EGR4: variants seen among roughly 807,000 people sequenced by gnomAD.
EGR4 encodes early growth response protein 4.
In EGR4, 22 loss-of-function variants were observed where a neutral mutation model predicts 25.4. That is an observed-to-expected ratio of 0.87 (90% confidence interval 0.62 to 1.24). EGR4 has a LOEUF of 1.24. Among genes scored for constraint, EGR4 ranks in the 50% most tolerant of loss-of-function variants. The probability of loss-of-function intolerance (pLI) is 0.00; values close to 1 mark genes in which losing one functional copy is unlikely to be tolerated. For synonymous variants in EGR4, 375 were observed against 320.1 expected (o/e 1.17, Z -1.83); for missense variants, 742 against 702.9 (o/e 1.06, Z -0.63).
In EGR4 at chr2:73,291,157, G is replaced by T; in HGVS notation, c.*300C>A. On this transcript the variant is annotated 3_prime_UTR_variant, in exon 2 of 2. Transcript: ENST00000436467. ...GGGGTTATAGAGGAAGGCGTGGGGCGTGTGCCAGTTACAAAAGACTGTCTT... is the reference window on the plus strand; with the variant it reads ...GGGGTTATAGAGGAAGGCGTGGGGCTTGTGCCAGTTACAAAAGACTGTCTT... 1 of 426,546 alleles carries T rather than the reference G, an allele frequency of 2.3e-6. No individual in the cohort carries two copies. Among genetic ancestry groups the T allele is most frequent in the South Asian group, 4.3e-5 (1 of 23,222 alleles). 26.4% of individuals were successfully genotyped at this position (426,546 alleles called of 1,614,324 possible).
rs767303471 is a variant in EGR4, at chr2:73,292,034, C to T, written c.884G>A (p.Gly295Glu). 9 of 1,604,926 alleles carry T rather than the reference C, an allele frequency of 5.6e-6. No individual in the cohort carries two copies. The highest frequency in any genetic ancestry group is 7.7e-6 in the Non-Finnish European group (9 of 1,175,488). ...AAACTCTCCGCCGTCGCCGCTACTC[C>T]CTCCCTCCCCACTAGGAGGGGTCAG... ...GLLTPPSGEG[G>E]SSGDGGEFLA... The change falls in exon 2 of 2, where the codon GGG becomes GAG. Residue 295 changes from glycine (G) to glutamate (E), a missense_variant. Coordinates refer to ENST00000436467, the MANE Select transcript of EGR4 (RefSeq NM_001965.4).
rs1558599944 is a variant in EGR4, at chr2:73,292,367, G to A, written c.551C>T (p.Pro184Leu). The A allele has an allele frequency of 6.4e-7, 1 of 1,552,698 alleles. No individual in the cohort carries two copies. Among genetic ancestry groups the A allele is most frequent in the Non-Finnish European group, 8.7e-7 (1 of 1,151,408 alleles). ...CGAGGCGGGAGGCGCCCGGAGGCCGGGCTTGACGTCGGGCGGGGAGAGCTG... is the reference window on the plus strand; with the variant it reads ...CGAGGCGGGAGGCGCCCGGAGGCCGAGCTTGACGTCGGGCGGGGAGAGCTG... ...EPQLSPPDVK[P>L]GLRAPPASPA... Residue 184 changes from proline (P) to leucine (L), a missense_variant, in exon 2 of 2, where the codon CCC (proline) becomes CTC (leucine). By Grantham distance (98) the Pro-to-Leu change is moderately conservative. Transcript: ENST00000436467.
Position 73,291,346 on chromosome 2 carries a change from G to T in EGR4, c.*111C>A. On this transcript the variant is annotated 3_prime_UTR_variant, in exon 2 of 2. Transcript: ENST00000436467. ...CAAGGAAACTGGAAGCGGGACCGGAGGCCGGCCCTCGGGCGTGCGAGGAGG... is the reference window on the plus strand; with the variant it reads ...CAAGGAAACTGGAAGCGGGACCGGATGCCGGCCCTCGGGCGTGCGAGGAGG... 6.9e-7 allele frequency: 1 copy of T among 1,451,622 alleles called. No homozygotes were observed. Among genetic ancestry groups the T allele is most frequent in the Non-Finnish European group, 9.2e-7 (1 of 1,087,212 alleles). The allele number at this position is 1,451,622 out of a possible 1,614,324, so 89.9% of individuals were successfully genotyped here. A position where few individuals can be genotyped will look rare whatever the true frequency, so the allele number is the denominator to read the frequency against.
rs1689122818 is a variant in EGR4 at position 73,292,285 on chromosome 2, AAGC to A, written c.630_632del (p.Leu211del). The A allele has an allele frequency of 2.5e-6, 4 of 1,609,266 alleles. No homozygotes were observed. The South Asian group carries it at 4.4e-5, about 18-fold the overall frequency. On this transcript the variant is annotated inframe_deletion, in exon 2 of 2. Coordinates refer to ENST00000436467, the MANE Select transcript of EGR4 (RefSeq NM_001965.4). The stretch of plus-strand genomic sequence containing the variant: ...CACAGTTCCCTGGGGCCCCCACAGA[AAGC>A]AGCTCCCAGGGCGCGTAGGGACCCT...
chr2:73,293,517 G>A lies in EGR4; in HGVS notation c.-200C>T, dbSNP rs1558600751. 9 of 1,501,118 alleles carry A rather than the reference G, an allele frequency of 6.0e-6. No homozygotes were observed. Among genetic ancestry groups the A allele is most frequent in the Non-Finnish European group, 7.1e-6 (8 of 1,130,498 alleles). The allele number at this position is 1,501,118 out of a possible 1,614,324, so 93.0% of individuals were successfully genotyped here. ...TCGCCCGCACCGGCCTCGGGCGGCG[G>A]CTCCTCGCCTCTCCAAAGCGCTGCC... On this transcript the variant is annotated 5_prime_UTR_variant, in exon 1 of 2. Transcript: ENST00000436467.
rs760049476 is a variant in EGR4 at position 73,292,499 on chromosome 2, C to G, written c.419G>C (p.Gly140Ala). The G allele has an allele frequency of 6.6e-7, 1 of 1,516,606 alleles. No homozygotes were observed. The highest frequency in any genetic ancestry group is 1.3e-5 in the South Asian group (1 of 74,762). 93.9% of individuals were successfully genotyped at this position (1,516,606 alleles called of 1,614,324 possible). A position where few individuals can be genotyped will look rare whatever the true frequency, so the allele number is the denominator to read the frequency against. ...ATCCGGGGAGTAAAGGTCCGGCGGA[C>G]CCGGCAGCAAGGCATCGGACCCCGC... Reference protein sequence around the residue: ...FPAGSDALLPGPPDLYSPDLG... With the variant: ...FPAGSDALLPAPPDLYSPDLG... Residue 140 changes from glycine to alanine, a missense_variant, in exon 2 of 2, where the codon GGT becomes GCT. Coordinates refer to ENST00000436467, the MANE Select transcript of EGR4 (RefSeq NM_001965.4).
chr2:73,291,737 G>C lies in EGR4; in HGVS notation c.1181C>G (p.Ser394Cys). The C allele has an allele frequency of 6.2e-7, 1 of 1,603,392 alleles. No homozygotes were observed. The highest frequency in any genetic ancestry group is 8.5e-7 in the Non-Finnish European group (1 of 1,179,754). The change falls in exon 2 of 2, where the codon TCC becomes TGC. Residue 394 changes from serine (S) to cysteine (C), a missense_variant. By Grantham distance (112) the Ser-to-Cys change is moderately radical. Transcript: ENST00000436467. Reference sequence around the variant, plus strand: ...GCGCAGGTGGCGATTGAGCTCGTCGGAGCGCGCAAAGCTCCGCACACAACT... The same window carrying C: ...GCGCAGGTGGCGATTGAGCTCGTCGCAGCGCGCAAAGCTCCGCACACAACT... The part of the protein sequence containing the change: ...VESCVRSFAR[S>C]DELNRHLRIH...
chr2:73,291,135 G>A lies in EGR4; in HGVS notation c.*322C>T, dbSNP rs1293475667. ...GCGCTGCCCCAGCCTGTCTCTGGGGGTTATAGAGGAAGGCGTGGGGCGTGT... is the reference window on the plus strand; with the variant it reads ...GCGCTGCCCCAGCCTGTCTCTGGGGATTATAGAGGAAGGCGTGGGGCGTGT... On this transcript the variant is annotated 3_prime_UTR_variant, in exon 2 of 2. Transcript: ENST00000436467. 1.1e-5 allele frequency: 4 copies of A among 376,342 alleles called. No individual in the cohort carries two copies. Among genetic ancestry groups the A allele is most frequent in the Non-Finnish European group, 1.9e-5 (4 of 208,988 alleles). 23.3% of individuals were successfully genotyped at this position (376,342 alleles called of 1,614,324 possible). A position where few individuals can be genotyped will look rare whatever the true frequency, so the allele number is the denominator to read the frequency against.
Position 73,293,386 on chromosome 2 carries a change from A to C in EGR4, c.-69T>G, listed in dbSNP as rs1330317248. ...GCTTGGGGGCGCGCGGGTGGCGGGG[A>C]GGCTGGCGGTAGGGGTTCCCCGCAG... is the stretch of plus-strand genomic sequence containing the variant. On this transcript the variant is annotated 5_prime_UTR_variant, in exon 1 of 2. Transcript: ENST00000436467. 1 of 1,497,538 alleles carries C rather than the reference A, an allele frequency of 6.7e-7. No homozygotes were observed. The highest frequency in any genetic ancestry group is 8.9e-7 in the Non-Finnish European group (1 of 1,126,488). 92.8% of individuals were successfully genotyped at this position (1,497,538 alleles called of 1,614,324 possible). A position where few individuals can be genotyped will look rare whatever the true frequency, so the allele number is the denominator to read the frequency against.
Position 73,292,144 on chromosome 2 carries a change from G to C in EGR4, c.774C>G (p.Asn258Lys), listed in dbSNP as rs1193128192. 1 of 1,592,464 alleles carries C rather than the reference G, an allele frequency of 6.3e-7. No individual in the cohort carries two copies. The highest frequency in any genetic ancestry group is 1.7e-5 in the Admixed American group (1 of 57,178). The change falls in exon 2 of 2, where the codon AAC becomes AAG. Residue 258 changes from asparagine (N) to lysine (K), a missense_variant. Transcript: ENST00000436467. ...CPAELPAVPA[N>K]RLYPSGAYDA... Reference sequence around the variant, plus strand: ...CATAGGCCCCGCTGGGATAGAGTCTGTTGGCTGGGACGGCCGGCAGTTCCG... The same window carrying C: ...CATAGGCCCCGCTGGGATAGAGTCTCTTGGCTGGGACGGCCGGCAGTTCCG...
In EGR4 at chr2:73,293,393, C is replaced by T. The variant is rs112387203; in HGVS notation, c.-76G>A. ...GGCGCGCGGGTGGCGGGGAGGCTGG[C>T]GGTAGGGGTTCCCCGCAGCGCACAG... On this transcript the variant is annotated 5_prime_UTR_variant, in exon 1 of 2. Coordinates refer to ENST00000436467, the MANE Select transcript of EGR4 (RefSeq NM_001965.4). The T allele has an allele frequency of 6.6e-7, 1 of 1,504,256 alleles. No homozygotes were observed. Among genetic ancestry groups the T allele is most frequent in the African/African-American group, 1.5e-5 (1 of 68,850 alleles). The allele number at this position is 1,504,256 out of a possible 1,614,324, so 93.2% of individuals were successfully genotyped here. A position where few individuals can be genotyped will look rare whatever the true frequency, so the allele number is the denominator to read the frequency against.
At position 73,292,611 on chromosome 2, in the gene EGR4, TG is replaced by T; in HGVS notation, c.306del (p.Phe102LeufsTer8). 1 of 1,533,084 alleles carries T rather than the reference TG, an allele frequency of 6.5e-7. No individual in the cohort carries two copies. Among genetic ancestry groups the T allele is most frequent in the Non-Finnish European group, 8.8e-7 (1 of 1,141,170 alleles). 95.0% of individuals were successfully genotyped at this position (1,533,084 alleles called of 1,614,324 possible). A position where few individuals can be genotyped will look rare whatever the true frequency, so the allele number is the denominator to read the frequency against. ...AGGCCTAAGATGCCCGACATGAGGT[TG>T]AAGAGTGCCTCCGGGTCGTGCGGGT... Reference protein sequence around the residue: ...PEHPHDPEALFNLMSGILGLA... With the variant: ...PEHPHDPEALXNLMSGILGLA... On this transcript the variant is annotated frameshift_variant, in exon 2 of 2. Coordinates refer to ENST00000436467, the MANE Select transcript of EGR4 (RefSeq NM_001965.4). LOFTEE classifies it high-confidence loss of function.
chr2:73,291,432 C>T lies in EGR4; in HGVS notation c.*25G>A. 6.5e-7 allele frequency: 1 copy of T among 1,548,288 alleles called. No homozygotes were observed. Among genetic ancestry groups the T allele is most frequent in the Non-Finnish European group, 8.7e-7 (1 of 1,148,990 alleles). ...ACTCGTGCGCGCCGAACGGCGGCGC[C>T]CCAACCCATAAACCCATCTCTTGCT... On this transcript the variant is annotated 3_prime_UTR_variant, in exon 2 of 2. Transcript: ENST00000436467.
chr2:73,291,438 C>A lies in EGR4; in HGVS notation c.*19G>T, dbSNP rs369828599. The A allele has an allele frequency of 1.3e-6, 2 of 1,575,908 alleles. No individual in the cohort carries two copies. The highest frequency in any genetic ancestry group is 1.4e-5 in the African/African-American group (1 of 73,670). On this transcript the variant is annotated 3_prime_UTR_variant, in exon 2 of 2. Transcript: ENST00000436467. ...GCGCGCCGAACGGCGGCGCCCCAAC[C>A]CATAAACCCATCTCTTGCTCAGAGA...
chr2:73,293,510 GGCGGCGGCTCCTCGCCTCTCCAAAGCGC>G lies in EGR4; in HGVS notation c.-221_-194del. On this transcript the variant is annotated 5_prime_UTR_variant, in exon 1 of 2. Transcript: ENST00000436467. ...CCCTCGCTCGCCCGCACCGGCCTCG[GGCGGCGGCTCCTCGCCTCTCCAAAGCGC>G]TGCCGGGCTCCCCCAGCCCACAGCC... 1.7e-5 allele frequency: 25 copies of G among 1,499,380 alleles called. No individual in the cohort carries two copies. Among genetic ancestry groups the G allele is most frequent in the Non-Finnish European group, 2.2e-5 (25 of 1,128,096 alleles). The allele number at this position is 1,499,380 out of a possible 1,614,324, so 92.9% of individuals were successfully genotyped here.
chr2:73,292,295 C>T lies in EGR4; in HGVS notation c.623G>A (p.Trp208Ter), dbSNP rs1287245992. The T allele has an allele frequency of 6.2e-7, 1 of 1,608,174 alleles. No homozygotes were observed. Among genetic ancestry groups the T allele is most frequent in the Non-Finnish European group, 8.5e-7 (1 of 1,176,378 alleles). Reference protein sequence around the residue: ...VSAFKGPYAPWELLSVGAPGN... With the variant: ...VSAFKGPYAP ...TGGGGCCCCCACAGAAAGCAGCTCC[C>T]AGGGCGCGTAGGGACCCTTGAAGGC... Residue 208 changes from tryptophan (W) to a stop codon, truncating the protein, a stop_gained, in exon 2 of 2, where the codon TGG becomes TAG. Transcript: ENST00000436467. LOFTEE classifies it high-confidence loss of function.
At position 73,293,379 on chromosome 2, in the gene EGR4, G is replaced by A. The variant is rs1689151805; in HGVS notation, c.-62C>T. ...CCGCTGGGCTTGGGGGCGCGCGGGT[G>A]GCGGGGAGGCTGGCGGTAGGGGTTC... On this transcript the variant is annotated 5_prime_UTR_variant, in exon 1 of 2. Transcript: ENST00000436467. The A allele has an allele frequency of 6.7e-7, 1 of 1,498,416 alleles. No individual in the cohort carries two copies. Among genetic ancestry groups the A allele is most frequent in the Non-Finnish European group, 8.9e-7 (1 of 1,126,852 alleles). 92.8% of individuals were successfully genotyped at this position (1,498,416 alleles called of 1,614,324 possible).
In EGR4 at chr2:73,292,735, C is replaced by T. The variant is rs1286117846; in HGVS notation, c.183G>A (p.Gly61=). 1.4e-6 allele frequency: 2 copies of T among 1,476,898 alleles called. No homozygotes were observed. Among genetic ancestry groups the T allele is most frequent in the Non-Finnish European group, 1.8e-6 (2 of 1,112,736 alleles). 91.5% of individuals were successfully genotyped at this position (1,476,898 alleles called of 1,614,324 possible). ...CCAGGAAGCAGGAGTCGGCTAAGTCCCCACTTGCGCCGCAGCTGTTCAAAG... is the reference window on the plus strand; with the variant it reads ...CCAGGAAGCAGGAGTCGGCTAAGTCTCCACTTGCGCCGCAGCTGTTCAAAG... ...SWALNSCGAS[G]DLADSCFLEG... is the part of the protein sequence containing the mutation. The change falls in exon 2 of 2, where the codon GGG becomes GGA. Residue 61 remains glycine, a synonymous_variant. Transcript: ENST00000436467.
rs372760388 is a variant in EGR4 at position 73,291,652 on chromosome 2, G to C, written c.1266C>G (p.Ser422Arg). 13 of 1,612,064 alleles carry C rather than the reference G, an allele frequency of 8.1e-6. No individual in the cohort carries two copies. The highest frequency in any genetic ancestry group is 1.3e-5 in the African/African-American group (1 of 75,052). Residue 422 changes from serine to arginine, a missense_variant, in exon 2 of 2, where the codon AGC becomes AGG. Coordinates refer to ENST00000436467, the MANE Select transcript of EGR4 (RefSeq NM_001965.4). ...TGCGCACGTGCGTGGTGAGGTGGTC[G>C]CTGCGGCTGAAGTTGCGGAGGCAGA... ...CRICLRNFSR[S>R]DHLTTHVRTH...
Sources: gnomAD v4.1 joint callset for allele counts on GRCh38, gnomAD v4.1.1 for gene constraint, MANE v1.5 for transcripts, NCBI Gene and HGNC (gene_info 2026-07-23, HGNC 2026-07-21) for gene names.